The following SEL1L3 variants were observed in gnomAD, a reference collection of about 807,000 sequenced individuals.
SEL1L3 encodes SEL1L family member 3.
A neutral mutation model predicts 142.8 loss-of-function variants in SEL1L3; 76 were observed. That is an observed-to-expected ratio of 0.53 (90% CI 0.44 to 0.64). The LOEUF (loss-of-function observed/expected upper bound fraction) is 0.64. Ranked by LOEUF, SEL1L3 falls within the 30% of genes least tolerant of loss-of-function variation. SEL1L3 has a pLI of 0.00. For synonymous variants in SEL1L3, 504 were observed against 519.6 expected (o/e 0.97, Z 0.41); for missense variants, 1,262 against 1,381.7 (o/e 0.91, Z 1.37).
chr4:25,764,531 C>CA (rs1365487800), intron 20 of SEL1L3, among the ~76,000 whole-genome samples: 4 of 151,660 alleles, frequency 2.6e-5, no homozygotes, highest in Non-Finnish European at 4.4e-5. Context: ...AAGAAGTTTC[C>CA]AAAAAAAATC....
intron 1 of SEL1L3, among the ~76,000 whole-genome samples, chr4:25,853,427 T>A (rs1717031890): frequency 1.3e-5 from 2 of 152,206 alleles, no homozygotes; most frequent in South Asian, 4.1e-4. Flanking sequence ...GTGTTAGACA[T>A]ATGTTATCCA....
chr4:25,724,764 A>AAAAAG, the SEL1L3 span, among the ~76,000 whole-genome samples: 188 of 28,466 alleles, frequency 6.6e-3, 17 homozygotes, highest in African/African-American at 0.022. Context: ...AAAAAAAAAA[A>AAAAAG]AAAAAAAGGA....
chr4:25,833,047 A>G lies in SEL1L3; in HGVS notation c.1046T>C (p.Ile349Thr), dbSNP rs948632823. 2 of 1,612,986 alleles carry G rather than the reference A, an allele frequency of 1.2e-6. No individual in the cohort carries two copies. The highest frequency in any genetic ancestry group is 2.2e-5 in the South Asian group (2 of 91,052). The stretch of plus-strand genomic sequence containing the variant: ...TCGAAACCACTCCTTCAAAGGTATG[A>G]TGAATTTAGTTTTTACAGCAAGGTC... ...GEDLAVKTKFIIPLKEWFRLD... is the reference protein window; with the variant it reads ...GEDLAVKTKFTIPLKEWFRLD... Residue 349 changes from isoleucine to threonine, a missense_variant, in exon 5 of 24, where the codon ATC (isoleucine) becomes ACC (threonine). Around this residue, in one of 3 missense-constraint regions of SEL1L3, gnomAD observed 689 missense variants for 692.8 expected, o/e 0.99. Coordinates refer to ENST00000399878, the MANE Select transcript of SEL1L3 (RefSeq NM_015187.5).
At chr4:25,714,909 GATA>G in the SEL1L3 span, among the ~76,000 whole-genome samples, 1 of 151,980 alleles carries the variant, frequency 6.6e-6, no homozygotes, top group Non-Finnish European at 1.5e-5. Context: ...TGAAATGTAG[GATA>G]ATATTTTGAT....
At chr4:25,761,867 C>T (rs758578998) in intron 20 of SEL1L3, among the ~76,000 whole-genome samples, 6 of 152,180 alleles carry the variant, frequency 3.9e-5, no homozygotes, top group African/African-American at 7.2e-5. Flanking sequence ...AAACACTGAT[C>T]GGTGAGGTAT....
rs914762887 is a variant in SEL1L3 at position 25,838,903 on chromosome 4, G to A, written c.734-3580C>T. Among the ~76,000 whole-genome samples the A allele has an allele frequency of 4.6e-5, 7 of 152,148 alleles. No homozygotes were observed. In the South Asian group the frequency reaches 6.2e-4, roughly 13 times the overall value. On this transcript the variant is annotated intron_variant, in intron 2 of 23. Coordinates refer to ENST00000399878, the MANE Select transcript of SEL1L3 (RefSeq NM_015187.5). ...GCTTGGGAAAAGGTAACACTTCCAC[G>A]TAACAAAGGTAACACTTCTGTGTAA...
chr4:25,758,823 T>C, intron 21 of SEL1L3, 118 bp downstream of exon 21: 1 of 1,162,952 alleles, frequency 8.6e-7, no homozygotes, highest in Non-Finnish European at 1.2e-6. Flanking sequence ...TTTTTGTTTT[T>C]GTTTTTTAAA....
chr4:25,799,822 G>A (rs543050086), intron 11 of SEL1L3, among the ~76,000 whole-genome samples: 100 of 152,308 alleles, frequency 6.6e-4, no homozygotes, highest in African/African-American at 2.4e-3. Flanking sequence ...AAAACAGTCA[G>A]AGATTAAGGT....
In SEL1L3 at chr4:25,862,770, C is replaced by A. The variant is rs1160249280; in HGVS notation, c.67G>T (p.Val23Phe). The A allele has an allele frequency of 8.3e-7, 1 of 1,201,518 alleles. No homozygotes were observed. The highest frequency in any genetic ancestry group is 4.0e-5 in the South Asian group (1 of 25,034). 74.4% of individuals were successfully genotyped at this position (1,201,518 alleles called of 1,614,324 possible). The change falls in exon 1 of 24, where the codon GTC becomes TTC. Residue 23 changes from valine (V) to phenylalanine (F), a missense_variant. This residue lies in a region of SEL1L3 where 689 missense variants were observed against 692.8 expected (regional missense o/e 0.99). Transcript: ENST00000399878. Reference sequence around the variant, plus strand: ...ACCATGGCTGCGGCCCGGGGGCCGACCGCGAGCGGCGGGGGTTGCTGCTGC... The same window carrying A: ...ACCATGGCTGCGGCCCGGGGGCCGAACGCGAGCGGCGGGGGTTGCTGCTGC... ...QQQQQPPPLA[V>F]GPRAAAMVPS...
chr4:25,810,883 G>T (rs755489757), intron 9 of SEL1L3, among the ~76,000 whole-genome samples: 1 of 152,204 alleles, frequency 6.6e-6, no homozygotes, highest in Non-Finnish European at 1.5e-5. Context: ...GAGTAGCCCC[G>T]CCATGTTTAA....
chr4:25,817,045 C>G (rs553629917), intron 9 of SEL1L3, among the ~76,000 whole-genome samples: 1 of 152,322 alleles, frequency 6.6e-6, no homozygotes, highest in South Asian at 2.1e-4. Context: ...AAGTCCATTC[C>G]TCAAGGACAG....
At chr4:25,806,623 C>T (rs1713595104) in intron 9 of SEL1L3, among the ~76,000 whole-genome samples, 2 of 152,084 alleles carry the variant, frequency 1.3e-5, no homozygotes, top group Non-Finnish European at 2.9e-5. Context: ...CCTGTGCTGG[C>T]AGACCCTGAG....
At chr4:25,787,504 G>A (rs931851852) in intron 13 of SEL1L3, among the ~76,000 whole-genome samples, 1 of 152,182 alleles carries the variant, frequency 6.6e-6, no homozygotes, top group Non-Finnish European at 1.5e-5. Context: ...ATTTTTAGTA[G>A]AGACGGGGTT....
chr4:25,861,063 G>A (rs1717671490), intron 1 of SEL1L3, among the ~76,000 whole-genome samples: 1 of 152,166 alleles, frequency 6.6e-6, no homozygotes, highest in African/African-American at 2.4e-5. Context: ...GTCTTGAGAT[G>A]TCCACGTGGA....
At chr4:25,863,545 G>C, upstream of SEL1L3, 1 of 702,646 alleles carries the variant, frequency 1.4e-6, no homozygotes, top group Non-Finnish European at 2.6e-6. Flanking sequence ...GTGCCCCCTG[G>C]AGTTGTGCCG....
At chr4:25,857,831 C>A (rs1371654145) in intron 1 of SEL1L3, among the ~76,000 whole-genome samples, 1 of 152,208 alleles carries the variant, frequency 6.6e-6, no homozygotes, top group African/African-American at 2.4e-5. Context: ...TTCCTTATTC[C>A]CATCTTGAAA....
chr4:25,775,764 CTGTT>C lies in SEL1L3; in HGVS notation c.2669+509_2669+512del, dbSNP rs889541213. On this transcript the variant is annotated intron_variant, in intron 17 of 23. Coordinates refer to ENST00000399878, the MANE Select transcript of SEL1L3 (RefSeq NM_015187.5). ...ACCAGAAGGTTAGGAAGGAGGGCATCTGTTTGTTTGTGCCATTGGATACTGGACT... is the reference window on the plus strand; with the variant it reads ...ACCAGAAGGTTAGGAAGGAGGGCATCTGTTTGTGCCATTGGATACTGGACT... 7.4e-4 allele frequency among the ~76,000 whole-genome samples: 113 copies of C among 152,192 alleles called. 1 individual carries two copies. Among genetic ancestry groups the C allele is most frequent in the African/African-American group, 2.7e-3 (110 of 41,450 alleles).
chr4:25,833,581 AG>A lies in SEL1L3; in HGVS notation c.861-13del. On this transcript the variant is annotated splice_polypyrimidine_tract_variant and intron_variant, in intron 3 of 23. Transcript: ENST00000399878. ...ATGAAACAGTAAACCTATAAGAGTG[AG>A]GGGGAAAAAAATTCTGCAGATTGAT... 6.3e-7 allele frequency: 1 copy of A among 1,594,666 alleles called. No homozygotes were observed. Among genetic ancestry groups the A allele is most frequent in the Non-Finnish European group, 8.5e-7 (1 of 1,172,958 alleles).
chr4:25,817,075 A>G (rs1038596929), intron 9 of SEL1L3, among the ~76,000 whole-genome samples: 4 of 152,252 alleles, frequency 2.6e-5, no homozygotes, highest in Admixed American at 6.5e-5. Flanking sequence ...GTTACTTCAC[A>G]TATCTCTGAA....
Sources: allele counts gnomAD v4.1 joint callset (sites outside exome capture counted in the v4.1 genomes callset), GRCh38; gene constraint gnomAD v4.1.1; regional missense constraint gnomAD v4.1.1; transcripts MANE v1.5; gene names NCBI Gene and HGNC (gene_info 2026-07-23, HGNC 2026-07-21).